The following AREL1 variants were observed in gnomAD, a reference collection of about 807,000 sequenced individuals.
AREL1 encodes apoptosis-resistant E3 ubiquitin protein ligase 1.
Under a neutral mutation model 99.0 loss-of-function variants are expected in AREL1, and 62 were observed. The ratio of observed to expected loss-of-function variants is 0.63; its 90% CI spans 0.51 to 0.77. The LOEUF (loss-of-function observed/expected upper bound fraction) is 0.77. AREL1 is among the 30% of genes least tolerant of loss of function. The probability of loss-of-function intolerance (pLI) is 0.00; values close to 1 mark genes in which losing one functional copy is unlikely to be tolerated. For synonymous variants in AREL1, 380 were observed against 376.5 expected (o/e 1.01, Z -0.11); for missense variants, 879 against 1,027.6 (o/e 0.86, Z 1.98).
chr14:74,681,808 G>C (rs2089635918), intron 5 of AREL1, among the ~76,000 whole-genome samples: 1 of 151,658 alleles, frequency 6.6e-6, no homozygotes, highest in Non-Finnish European at 1.5e-5. Flanking sequence ...AACAGGTTGG[G>C]GGGGATAGGT....
chr14:74,713,021 C>A lies in AREL1; in HGVS notation c.-422G>T. ...CTCAGCAGAAGACGGGCTCCCCACT[C>A]TCCCACCAACAGACCCCAGAGTTGG... On this transcript the variant is annotated 5_prime_UTR_variant, in exon 1 of 20. Transcript: ENST00000356357. 9.5e-7 allele frequency: 1 copy of A among 1,053,420 alleles called. No homozygotes were observed. Among genetic ancestry groups the A allele is most frequent in the Non-Finnish European group, 1.5e-6 (1 of 682,878 alleles). The allele number at this position is 1,053,420 out of a possible 1,614,324, so 65.3% of individuals were successfully genotyped here.
chr14:74,712,025 G>A (rs2090303794), intron 1 of AREL1: 2 of 86,080 alleles, frequency 2.3e-5, no homozygotes, highest in Non-Finnish European at 4.2e-5. Context: ...GCTGGAGAAT[G>A]GAAGACAAAG....
At chr14:74,674,724 A>T (rs1184174914) in intron 8 of AREL1, among the ~76,000 whole-genome samples, 3 of 152,232 alleles carry the variant, frequency 2.0e-5, no homozygotes, top group African/African-American at 7.2e-5. Context: ...ATGAGAACAG[A>T]ATATTTCACC....
At chr14:74,702,145 C>T (rs918612369) in intron 1 of AREL1, among the ~76,000 whole-genome samples, 9 of 152,206 alleles carry the variant, frequency 5.9e-5, no homozygotes, top group African/African-American at 1.2e-4. Flanking sequence ...GTCTGGAGGA[C>T]GGTGGCCCTC....
chr14:74,713,070 C>A lies in AREL1; in HGVS notation c.-471G>T. On this transcript the variant is annotated 5_prime_UTR_variant, in exon 1 of 20. Coordinates refer to ENST00000356357, the MANE Select transcript of AREL1 (RefSeq NM_001039479.2). ...GGTCTCCACCCGGCCTGGGAACCGG[C>A]TCGGGGGATTGCCCTTTCCCCAAGG... The A allele has an allele frequency of 6.3e-7, 1 of 1,576,024 alleles. No homozygotes were observed. The highest frequency in any genetic ancestry group is 8.7e-7 in the Non-Finnish European group (1 of 1,145,824).
Position 74,675,951 on chromosome 14 carries a change from A to C in AREL1, c.833-5T>G. ...CGACGATATTCTTCTCATCCTCTGA[A>C]GTATAATAAGGAATAAGGTTTAAAG... On this transcript the variant is annotated splice_polypyrimidine_tract_variant and splice_region_variant and intron_variant, in intron 7 of 19. Transcript: ENST00000356357. The C allele has an allele frequency of 6.3e-7, 1 of 1,577,564 alleles. No individual in the cohort carries two copies.
chr14:74,665,985 A>G (rs374521541), intron 17 of AREL1, among the ~76,000 whole-genome samples: 37 of 152,350 alleles, frequency 2.4e-4, no homozygotes, highest in African/African-American at 8.9e-4. Flanking sequence ...AAATGTAACA[A>G]AATTTACCAG....
At chr14:74,712,268 GT>G (rs1459350205) in intron 1 of AREL1, among the ~76,000 whole-genome samples, 1 of 152,014 alleles carries the variant, frequency 6.6e-6, no homozygotes, top group Non-Finnish European at 1.5e-5. Flanking sequence ...CAGGATGGGG[GT>G]TTTCATTTAA....
chr14:74,706,296 G>A (rs12889955), intron 1 of AREL1, among the ~76,000 whole-genome samples: 58,314 of 152,048 alleles, frequency 0.38, 13,341 homozygotes, highest in Non-Finnish European at 0.51. Context: ...CATTAACTGC[G>A]CCTGAAGTGG....
chr14:74,692,440 T>G, intron 1 of AREL1, 112 bp from the exon 2 acceptor site: 1 of 328,590 alleles, frequency 3.0e-6, no homozygotes, highest in Non-Finnish European at 5.9e-6. Context: ...CCTGGGACAC[T>G]AAAAATAACC....
chr14:74,697,077 T>C (rs1159961185), intron 1 of AREL1, among the ~76,000 whole-genome samples: 1 of 152,164 alleles, frequency 6.6e-6, no homozygotes, highest in East Asian at 1.9e-4. Flanking sequence ...CCCAGAAGTT[T>C]GAGGCTACAG....
Position 74,689,200 on chromosome 14 carries a change from G to A in AREL1, c.-46+2841C>T, listed in dbSNP as rs1343434199. Among the ~76,000 whole-genome samples the A allele has an allele frequency of 2.0e-5, 3 of 151,984 alleles. No individual in the cohort carries two copies. In the East Asian group the frequency reaches 5.8e-4, roughly 29 times the overall value. On this transcript the variant is annotated intron_variant, in intron 2 of 19. Coordinates refer to ENST00000356357, the MANE Select transcript of AREL1 (RefSeq NM_001039479.2). The stretch of plus-strand genomic sequence containing the variant: ...CGCTTTTATTCCAGATCTTACCTCT[G>A]TTCTGTAAGCATTTTCTGTAAGCAT...
intron 4 of AREL1, 140 bp from the exon 5 acceptor site, chr14:74,683,673 T>C: frequency 1.4e-6 from 1 of 700,434 alleles, no homozygotes; most frequent in Non-Finnish European, 2.4e-6. Context: ...CTCACAGTCC[T>C]GCTCACAAAA....
chr14:74,674,536 A>G (rs2089427998), intron 8 of AREL1, among the ~76,000 whole-genome samples: 1 of 152,218 alleles, frequency 6.6e-6, no homozygotes, highest in African/African-American at 2.4e-5. Context: ...CGGGAGGCAG[A>G]GGGTGCAGTG....
intron 1 of AREL1, among the ~76,000 whole-genome samples, chr14:74,700,562 A>G (rs994946063): frequency 1.3e-5 from 2 of 152,178 alleles, no homozygotes; most frequent in African/African-American, 4.8e-5. Context: ...GTGGATCACG[A>G]GTTCAGGAGA....
intron 5 of AREL1, among the ~76,000 whole-genome samples, chr14:74,676,961 G>T (rs1422903413): frequency 2.0e-5 from 3 of 151,774 alleles, no homozygotes; most frequent in East Asian, 3.9e-4. Context: ...CATGCCCAGA[G>T]AATTTTTTTT....
At chr14:74,665,095 A>G in intron 17 of AREL1, 170 bp from the exon 18 acceptor site, 1 of 523,688 alleles carries the variant, frequency 1.9e-6, no homozygotes, top group Non-Finnish European at 3.4e-6. Flanking sequence ...TCAATTACAT[A>G]CAACAGGGCA....
At chr14:74,671,504 G>C (rs976555399) in intron 11 of AREL1, 21 bp from the exon 12 acceptor site, 3 of 1,548,530 alleles carry the variant, frequency 1.9e-6, no homozygotes, top group African/African-American at 2.8e-5. Flanking sequence ...GTGAAAGGAA[G>C]GGAATTGTCA....
chr14:74,676,553 G>T (rs1247606010), intron 6 of AREL1, 30 bp downstream of exon 6: 2 of 1,603,708 alleles, frequency 1.2e-6, no homozygotes, highest in Non-Finnish European at 1.7e-6. Context: ...GCTCTCTCTA[G>T]CACACAGATA....
Sources: gnomAD v4.1 joint callset for allele counts (sites outside exome capture counted in the v4.1 genomes callset) on GRCh38, gnomAD v4.1.1 for gene constraint, MANE v1.5 for transcripts, NCBI Gene and HGNC (gene_info 2026-07-23, HGNC 2026-07-21) for gene names.